ZNF626: variants seen among roughly 807,000 people sequenced by gnomAD.
ZNF626 encodes CTC-513N18.7.
In ZNF626, 4 loss-of-function variants were observed where a neutral mutation model predicts 11.7. The ratio of observed to expected loss-of-function variants is 0.34; its 90% confidence interval spans 0.17 to 0.78. ZNF626 has a LOEUF of 0.78. Among genes scored for constraint, ZNF626 ranks in the 30% least tolerant of loss-of-function variants. The probability of loss-of-function intolerance (pLI) is 0.57; values close to 1 mark genes in which losing one functional copy is unlikely to be tolerated. For synonymous variants in ZNF626, 179 were observed against 198.6 expected (o/e 0.90, Z 0.83); for missense variants, 588 against 587.1 (o/e 1.00, Z -0.01).
intron 3 of ZNF626, among the ~76,000 whole-genome samples, chr19:20,640,857 G>A (rs1434069431): frequency 3.3e-5 from 5 of 151,862 alleles, no homozygotes; most frequent in South Asian, 4.1e-4. Context: ...TCCAAAATAC[G>A]TAAAAAAAGC....
chr19:20,625,417 G>T lies in ZNF626; in HGVS notation c.460C>A (p.Leu154Ile). ...CCGTTTGAATTTGGAAATTGATGAA[G>T]GACTTTCACATATTTATCACATTGA... ...ICQCDKYVKVLHQFPNSNGQK... is the reference protein window; with the variant it reads ...ICQCDKYVKVIHQFPNSNGQK... Residue 154 changes from leucine to isoleucine, a missense_variant, in exon 4 of 4, where the codon CTT (leucine) becomes ATT (isoleucine). By Grantham distance (5) the Leu-to-Ile change is conservative. Transcript: ENST00000601440. 2 of 1,613,918 alleles carry T rather than the reference G, an allele frequency of 1.2e-6. No homozygotes were observed. Among genetic ancestry groups the T allele is most frequent in the Non-Finnish European group, 1.7e-6 (2 of 1,179,980 alleles).
intron 3 of ZNF626, among the ~76,000 whole-genome samples, chr19:20,627,927 C>G (rs1227345554): frequency 1.3e-5 from 2 of 152,182 alleles, no homozygotes; most frequent in African/African-American, 4.8e-5. Context: ...TATCCCTCCC[C>G]CTGCCCCTGA....
At position 20,635,160 on chromosome 19, in the gene ZNF626, T is replaced by C. The variant is rs114165691; in HGVS notation, c.227-9510A>G. ...AAAAAGACAGAGATTATATGAGATA[T>C]GTAAAGCAGTTATACTCCTAGAAAC... On this transcript the variant is annotated intron_variant, in intron 3 of 3. Coordinates refer to ENST00000601440, the MANE Select transcript of ZNF626 (RefSeq NM_001076675.3). Among the ~76,000 whole-genome samples, 1,274 of 152,216 alleles carry C rather than the reference T, an allele frequency of 8.4e-3. 14 individuals are homozygous for C. Among genetic ancestry groups the C allele is most frequent in the African/African-American group, 0.029 (1,212 of 41,518 alleles).
At chr19:20,654,113 T>C (rs1210810338) in intron 1 of ZNF626, among the ~76,000 whole-genome samples, 1 of 152,178 alleles carries the variant, frequency 6.6e-6, no homozygotes, top group Admixed American at 6.5e-5. Flanking sequence ...AATGAACTAG[T>C]CATAATGTAT....
In ZNF626 at chr19:20,622,017, T is replaced by C. The variant is rs1218229151; in HGVS notation, c.*2273A>G. 1.3e-5 allele frequency: 2 copies of C among 152,220 alleles called. No individual in the cohort carries two copies. The highest frequency in any genetic ancestry group is 2.4e-5 in the African/African-American group (1 of 41,458). 9.4% of individuals were successfully genotyped at this position (152,220 alleles called of 1,614,324 possible). A position where few individuals can be genotyped will look rare whatever the true frequency, so the allele number is the denominator to read the frequency against. On this transcript the variant is annotated 3_prime_UTR_variant, in exon 4 of 4. Coordinates refer to ENST00000601440, the MANE Select transcript of ZNF626 (RefSeq NM_001076675.3). Reference sequence around the variant, plus strand: ...GCCTGACCAATATGGGGAAACCCCATGTCTATTAAAAATATAAAAATTAGC... The same window carrying C: ...GCCTGACCAATATGGGGAAACCCCACGTCTATTAAAAATATAAAAATTAGC...
chr19:20,644,192 G>T (rs947488321), intron 3 of ZNF626, among the ~76,000 whole-genome samples: 12 of 152,118 alleles, frequency 7.9e-5, no homozygotes, highest in Non-Finnish European at 8.8e-5. Context: ...CACAGTTCAT[G>T]GTCAGTCCTG....
rs1969768876 is a variant in ZNF626, at chr19:20,622,502, AAT to A, written c.*1786_*1787del. The A allele has an allele frequency of 6.6e-6, 1 of 152,158 alleles. No homozygotes were observed. Among genetic ancestry groups the A allele is most frequent in the South Asian group, 2.1e-4 (1 of 4,830 alleles). The allele number at this position is 152,158 out of a possible 1,614,324, so 9.4% of individuals were successfully genotyped here. On this transcript the variant is annotated 3_prime_UTR_variant, in exon 4 of 4. Coordinates refer to ENST00000601440, the MANE Select transcript of ZNF626 (RefSeq NM_001076675.3). ...AATGCCCAACTCATAAAGAATCTCTAATATCTCTGATGCAGCAACAATTGATC... is the reference window on the plus strand; with the variant it reads ...AATGCCCAACTCATAAAGAATCTCTAATCTCTGATGCAGCAACAATTGATC...
At chr19:20,652,664 T>C (rs1032770143) in intron 1 of ZNF626, among the ~76,000 whole-genome samples, 10 of 152,162 alleles carry the variant, frequency 6.6e-5, no homozygotes, top group Admixed American at 2.6e-4. Flanking sequence ...GAGAAAGACA[T>C]AATTGCACTT....
At chr19:20,632,746 G>C (rs964669667) in intron 3 of ZNF626, among the ~76,000 whole-genome samples, 3 of 152,046 alleles carry the variant, frequency 2.0e-5, no homozygotes, top group Non-Finnish European at 4.4e-5. Context: ...TCCTCCTGTA[G>C]CTTGGAATAG....
intron 1 of ZNF626, among the ~76,000 whole-genome samples, chr19:20,655,790 C>T (rs1555773052): frequency 6.6e-6 from 1 of 151,956 alleles, no homozygotes; most frequent in East Asian, 1.9e-4. Context: ...AAAAAATTAG[C>T]TGGGCATGGT....
rs1307317417 is a variant in ZNF626 at position 20,622,261 on chromosome 19, T to C, written c.*2029A>G. 3 of 152,338 alleles carry C rather than the reference T, an allele frequency of 2.0e-5. No homozygotes were observed. The highest frequency in any genetic ancestry group is 4.4e-5 in the Non-Finnish European group (3 of 68,028). The allele number at this position is 152,338 out of a possible 1,614,324, so 9.4% of individuals were successfully genotyped here. A position where few individuals can be genotyped will look rare whatever the true frequency, so the allele number is the denominator to read the frequency against. ...CATCATCTAACAATTTTTAAATATA[T>C]TGCATTTTATTACGTAACAGTAAAA... On this transcript the variant is annotated 3_prime_UTR_variant, in exon 4 of 4. Coordinates refer to ENST00000601440, the MANE Select transcript of ZNF626 (RefSeq NM_001076675.3).
At chr19:20,646,193 G>T in intron 2 of ZNF626, 86 bp downstream of exon 2, 2 of 1,389,138 alleles carry the variant, frequency 1.4e-6, no homozygotes, top group South Asian at 1.7e-5. Context: ...ACTCTTTTAT[G>T]CAAAGAATAA....
At chr19:20,634,280 AC>A (rs1969942119) in intron 3 of ZNF626, among the ~76,000 whole-genome samples, 1 of 152,206 alleles carries the variant, frequency 6.6e-6, no homozygotes, top group African/African-American at 2.4e-5. Context: ...GAAACAGAAG[AC>A]TAGAAGGCAG....
chr19:20,661,402 C>A lies in ZNF626; in HGVS notation c.3+42G>T, dbSNP rs181000664. On this transcript the variant is annotated intron_variant, in intron 1 of 3. Transcript: ENST00000601440. ...ACAGCCACTTTTCACCGGTTCCAACCAGTCCCTCTCCTCTCTCGGGATGTC... is the reference window on the plus strand; with the variant it reads ...ACAGCCACTTTTCACCGGTTCCAACAAGTCCCTCTCCTCTCTCGGGATGTC... 7.9e-5 allele frequency: 127 copies of A among 1,613,558 alleles called. 2 individuals are homozygous for A. The East Asian group carries it at 2.1e-3, about 27-fold the overall frequency.
intron 1 of ZNF626, among the ~76,000 whole-genome samples, chr19:20,654,683 G>A (rs1252634598): frequency 7.3e-5 from 11 of 151,454 alleles, no homozygotes; most frequent in African/African-American, 2.4e-4. Flanking sequence ...CAGCCCGGAC[G>A]ACAGAGTGAG....
rs782441698 is a variant in ZNF626, at chr19:20,625,531, CT to C, written c.345del (p.Gly116AspfsTer3). 16 of 1,613,086 alleles carry C rather than the reference CT, an allele frequency of 9.9e-6. No individual in the cohort carries two copies. Among genetic ancestry groups the C allele is most frequent in the African/African-American group, 5.3e-5 (4 of 74,822 alleles). On this transcript the variant is annotated frameshift_variant, in exon 4 of 4. Coordinates refer to ENST00000601440, the MANE Select transcript of ZNF626 (RefSeq NM_001076675.3). LOFTEE classifies it low-confidence loss of function (END_TRUNC). ...KCEHDNLQLK[K>X]GCISVDECKV... ...TTACACTCATCCACACTTATACATC[CT>C]TTTTTTAACTGTAAATTGTCATGTT...
chr19:20,623,988 A>T lies in ZNF626; in HGVS notation c.*302T>A. The stretch of plus-strand genomic sequence containing the variant: ...CTTAGTTAGAAATTGAGGGCTGGTT[A>T]AAAGATTTTCCCCATTCATCACATT... On this transcript the variant is annotated 3_prime_UTR_variant, in exon 4 of 4. Transcript: ENST00000601440. 1.8e-6 allele frequency: 1 copy of T among 542,042 alleles called. No homozygotes were observed. Among genetic ancestry groups the T allele is most frequent in the Non-Finnish European group, 3.4e-6 (1 of 297,334 alleles). 33.6% of individuals were successfully genotyped at this position (542,042 alleles called of 1,614,324 possible). A position where few individuals can be genotyped will look rare whatever the true frequency, so the allele number is the denominator to read the frequency against.
chr19:20,655,455 A>G (rs1970194492), intron 1 of ZNF626, among the ~76,000 whole-genome samples: 1 of 152,224 alleles, frequency 6.6e-6, no homozygotes, highest in African/African-American at 2.4e-5. Flanking sequence ...AAAGGAATAA[A>G]AATCAAAAAA....
intron 3 of ZNF626, among the ~76,000 whole-genome samples, chr19:20,636,276 C>T (rs1240663518): frequency 6.6e-6 from 1 of 152,130 alleles, no homozygotes; most frequent in African/African-American, 2.4e-5. Context: ...AGATACATGG[C>T]TTTTTCATAT....
Sources: gnomAD v4.1 joint callset for allele counts (sites outside exome capture counted in the v4.1 genomes callset) on GRCh38, gnomAD v4.1.1 for gene constraint, MANE v1.5 for transcripts, NCBI Gene and HGNC (gene_info 2026-07-23, HGNC 2026-07-21) for gene names.